Variants in LGMN observed in about 807,000 individuals in gnomAD.
LGMN encodes asparaginyl endopeptidase.
In LGMN, 36 loss-of-function variants were observed where a neutral mutation model predicts 56.8. The ratio of observed to expected loss-of-function variants is 0.63; its 90% confidence interval spans 0.49 to 0.84. LGMN has a LOEUF of 0.84. Among genes scored for constraint, LGMN ranks in the 40% least tolerant of loss-of-function variants. The pLI, the probability that LGMN is intolerant of heterozygous loss-of-function variation, is 0.00. For synonymous variants in LGMN, 199 were observed against 210.1 expected (o/e 0.95, Z 0.46); for missense variants, 446 against 556.1 (o/e 0.80, Z 1.99).
At chr14:92,738,568 G>A (rs563671750) in intron 1 of LGMN, among the ~76,000 whole-genome samples, 203 of 151,484 alleles carry the variant, frequency 1.3e-3, no homozygotes, top group African/African-American at 4.6e-3. Context: ...GTGAGCCACC[G>A]CGCCCAGCCA....
rs144269659 is a variant in LGMN at position 92,725,160 on chromosome 14, C to A, written c.139-6316G>T. 3.2e-3 allele frequency among the ~76,000 whole-genome samples: 492 copies of A among 152,338 alleles called. 4 individuals carry two copies. Among genetic ancestry groups the A allele is most frequent in the African/African-American group, 0.011 (456 of 41,576 alleles). ...TCTGGCATTTACAAGGACGGCCCTG[C>A]TGCAAGAATGGGCCCAAGCCCATAT... On this transcript the variant is annotated intron_variant, in intron 2 of 13. Coordinates refer to ENST00000334869, the MANE Select transcript of LGMN (RefSeq NM_005606.7).
At chr14:92,741,444 C>T (rs891032297) in intron 1 of LGMN, 1 of 152,144 alleles carries the variant, frequency 6.6e-6, no homozygotes, top group East Asian at 1.9e-4. Flanking sequence ...GGGTTAGACA[C>T]AGAAGACCAT....
intron 2 of LGMN, among the ~76,000 whole-genome samples, chr14:92,720,554 C>A (rs1890404871): frequency 6.6e-6 from 1 of 152,212 alleles, no homozygotes; most frequent in Admixed American, 6.5e-5. Flanking sequence ...GTAATCCTAG[C>A]TACTTGGGAG....
chr14:92,716,685 T>A (rs540818116), intron 4 of LGMN, among the ~76,000 whole-genome samples: 15 of 152,314 alleles, frequency 9.8e-5, no homozygotes, highest in African/African-American at 3.6e-4. Flanking sequence ...TCATCTTTTT[T>A]ACCTGTATGA....
chr14:92,715,397 G>C (rs1288874520), intron 5 of LGMN, among the ~76,000 whole-genome samples: 1 of 152,112 alleles, frequency 6.6e-6, no homozygotes, highest in African/African-American at 2.4e-5. Flanking sequence ...TGTATTTTTA[G>C]TAGAGATGGG....
chr14:92,718,600 T>C, intron 3 of LGMN, 147 bp downstream of exon 3: 1 of 434,192 alleles, frequency 2.3e-6, no homozygotes, highest in East Asian at 3.5e-5. Flanking sequence ...AAAAAAAAGC[T>C]CAACATGAGG....
At chr14:92,730,161 A>G (rs576042831) in intron 2 of LGMN, among the ~76,000 whole-genome samples, 1 of 152,280 alleles carries the variant, frequency 6.6e-6, no homozygotes, top group South Asian at 2.1e-4. Context: ...TTGAGGTTAG[A>G]GGGGGAGAAG....
chr14:92,724,877 G>A (rs1388067614), intron 2 of LGMN, among the ~76,000 whole-genome samples: 1 of 152,164 alleles, frequency 6.6e-6, no homozygotes, highest in Non-Finnish European at 1.5e-5. Context: ...GCTGTAAAGG[G>A]TCCGCTCTCC....
intron 11 of LGMN, 34 bp from the exon 12 acceptor site, chr14:92,706,687 C>A: frequency 9.8e-6 from 15 of 1,525,856 alleles, no homozygotes; most frequent in Non-Finnish European, 1.2e-5. Context: ...GAATGTGCCT[C>A]CCTGAATGCG....
intron 1 of LGMN, among the ~76,000 whole-genome samples, chr14:92,742,236 GTC>G (rs551637700): frequency 6.7e-6 from 1 of 150,034 alleles, no homozygotes; most frequent in African/African-American, 2.5e-5. Context: ...CCATACTGAA[GTC>G]TCTCTCTCCT....
intron 2 of LGMN, among the ~76,000 whole-genome samples, chr14:92,725,742 A>AT (rs1381222546): frequency 6.6e-6 from 1 of 151,316 alleles, no homozygotes; most frequent in Admixed American, 6.6e-5. Context: ...TGCCCGGCTA[A>AT]TTTTTGTATT....
chr14:92,730,609 A>G (rs1236536430), intron 2 of LGMN, among the ~76,000 whole-genome samples: 3 of 152,084 alleles, frequency 2.0e-5, no homozygotes, highest in Non-Finnish European at 4.4e-5. Context: ...TTTTATATTG[A>G]TTACATGTTG....
chr14:92,708,868 A>AAAAAAAAAAAAC, intron 11 of LGMN, among the ~76,000 whole-genome samples: 1 of 150,870 alleles, frequency 6.6e-6, no homozygotes, highest in Non-Finnish European at 1.5e-5. Flanking sequence ...AAAAAAAAAA[A>AAAAAAAAAAAAC]AAAAAAAAAA....
chr14:92,740,365 T>G (rs1891493429), intron 1 of LGMN, among the ~76,000 whole-genome samples: 1 of 152,206 alleles, frequency 6.6e-6, no homozygotes, highest in African/African-American at 2.4e-5. Context: ...AGACACTTTA[T>G]TCACACCATC....
At position 92,718,739 on chromosome 14, in the gene LGMN, C is replaced by T. The variant is rs1368320061; in HGVS notation, c.236+8G>A. 2 of 1,580,450 alleles carry T rather than the reference C, an allele frequency of 1.3e-6. No individual in the cohort carries two copies. Among genetic ancestry groups the T allele is most frequent in the Admixed American group, 1.7e-5 (1 of 59,864 alleles). ...TTCCCCACCAAGTTCCAAGTGTTCC[C>T]CACTTACTCTTCAGAGTAAGCAATG... On this transcript the variant is annotated splice_region_variant and intron_variant, in intron 3 of 13. Coordinates refer to ENST00000334869, the MANE Select transcript of LGMN (RefSeq NM_005606.7).
At chr14:92,746,430 A>C (rs982416430) in intron 1 of LGMN, among the ~76,000 whole-genome samples, 13 of 152,120 alleles carry the variant, frequency 8.5e-5, no homozygotes, top group African/African-American at 3.1e-4. Flanking sequence ...CAAGAGACAG[A>C]GTTTACTTCT....
At chr14:92,732,137 G>C (rs1242074146) in intron 2 of LGMN, among the ~76,000 whole-genome samples, 1 of 152,110 alleles carries the variant, frequency 6.6e-6, no homozygotes, top group Admixed American at 6.5e-5. Context: ...CACTCTCTAG[G>C]CCTCAGTTTC....
At chr14:92,723,476 A>T (rs915405484) in intron 2 of LGMN, among the ~76,000 whole-genome samples, 1 of 152,238 alleles carries the variant, frequency 6.6e-6, no homozygotes, top group African/African-American at 2.4e-5. Context: ...ATGTCCATCA[A>T]CTGGTAAATG....
rs774103169 is a variant in LGMN, at chr14:92,706,484, G to A, written c.1190C>T (p.Thr397Met). ...CATGGGGAGAGCCTGCTGGCTCACC[G>A]TGGGGGAGTGCCAGTTGAAGCAGTG... ...RTHCFNWHSP[T>M]YEYALRHLYV... The change falls in exon 12 of 14, where the codon ACG becomes ATG. Residue 397 changes from threonine (T) to methionine (M), a missense_variant and splice_region_variant. Physicochemically the swap from Thr to Met is moderately conservative, Grantham distance 81 (BLOSUM62 -1). Coordinates refer to ENST00000334869, the MANE Select transcript of LGMN (RefSeq NM_005606.7). The A allele has an allele frequency of 6.5e-6, 10 of 1,543,860 alleles. No homozygotes were observed. Among genetic ancestry groups the A allele is most frequent in the South Asian group, 4.7e-5 (4 of 84,702 alleles).
Sources: gnomAD v4.1 joint callset for allele counts (sites outside exome capture counted in the v4.1 genomes callset) on GRCh38, gnomAD v4.1.1 for gene constraint, MANE v1.5 for transcripts, NCBI Gene and HGNC (gene_info 2026-07-23, HGNC 2026-07-21) for gene names.